The following SH3PXD2A variants were observed in gnomAD, a reference collection of about 807,000 sequenced individuals.
SH3PXD2A encodes the protein SH3 and PX domains 2A.
In SH3PXD2A, 32 loss-of-function variants were observed where a neutral mutation model predicts 115.2. The observed-to-expected ratio is 0.28, with a 90% CI of 0.21 to 0.37. The LOEUF is 0.37. Among genes scored for constraint, SH3PXD2A ranks in the 10% least tolerant of loss-of-function variants. The pLI, the probability that SH3PXD2A is intolerant of heterozygous loss-of-function variation, is 1.00. For missense variants in SH3PXD2A, 1,328 were observed against 1,498.7 expected, an observed-to-expected ratio of 0.89 and a Z score of 1.88; for synonymous variants, 610 against 629.1, an observed-to-expected ratio of 0.97 and a Z score of 0.45.
At chr10:103,811,171 G>A (rs1284309795) in intron 1 of SH3PXD2A, among the ~76,000 whole-genome samples, 1 of 152,160 alleles carries the variant, frequency 6.6e-6, no homozygotes, top group East Asian at 1.9e-4. Context: ...TCCTGGAGGG[G>A]AAATGAGTGT....
intron 6 of SH3PXD2A, among the ~76,000 whole-genome samples, chr10:103,672,076 G>C (rs2037468365): frequency 6.6e-6 from 1 of 152,180 alleles, no homozygotes; most frequent in Non-Finnish European, 1.5e-5. Flanking sequence ...CTGGAGGTTA[G>C]GAGTTCGAGA....
intron 8 of SH3PXD2A, among the ~76,000 whole-genome samples, chr10:103,635,163 A>G (rs1212064975): frequency 6.6e-6 from 1 of 152,162 alleles, no homozygotes; most frequent in African/African-American, 2.4e-5. Context: ...TTTCAGAAGG[A>G]TGGAAGGAAG....
intron 5 of SH3PXD2A, among the ~76,000 whole-genome samples, chr10:103,718,922 T>G (rs1413232510): frequency 2.6e-5 from 4 of 152,188 alleles, no homozygotes; most frequent in African/African-American, 9.7e-5. Flanking sequence ...AGGAGCTGAT[T>G]AGGCTATGGT....
intron 8 of SH3PXD2A, among the ~76,000 whole-genome samples, chr10:103,634,382 G>A (rs929944296): frequency 5.9e-5 from 9 of 152,230 alleles, no homozygotes; most frequent in African/African-American, 2.2e-4. Flanking sequence ...GAGCAGGGCG[G>A]TCTGTGTTAG....
intron 3 of SH3PXD2A, among the ~76,000 whole-genome samples, chr10:103,753,209 G>C (rs1021899257): frequency 6.7e-5 from 10 of 150,356 alleles, no homozygotes; most frequent in African/African-American, 1.5e-4. Flanking sequence ...GCTGGGTGCA[G>C]TGACTCACGC....
intron 8 of SH3PXD2A, among the ~76,000 whole-genome samples, chr10:103,656,218 C>A (rs761882024): frequency 3.3e-5 from 5 of 152,210 alleles, no homozygotes; most frequent in Admixed American, 6.5e-5. Flanking sequence ...CCACCAACAG[C>A]CTCTGCTGAA....
chr10:103,729,000 TCTC>T lies in SH3PXD2A; in HGVS notation c.307-4642_307-4640del, dbSNP rs541631623. Among the ~76,000 whole-genome samples the T allele has an allele frequency of 5.4e-4, 82 of 152,000 alleles. No homozygotes were observed. The Middle Eastern group carries it at 0.017, about 32-fold the overall frequency. ...CTCCCCCTCGCCGGGTTCAAGCGAT[TCTC>T]CTGTCTCAGCCTCCTGAGTAGGTGG... On this transcript the variant is annotated intron_variant, in intron 4 of 14. Transcript: ENST00000369774.
intron 3 of SH3PXD2A, among the ~76,000 whole-genome samples, chr10:103,741,799 G>A (rs1246532982): frequency 1.3e-5 from 2 of 152,234 alleles, no homozygotes; most frequent in Non-Finnish European, 2.9e-5. Context: ...GTGGGAGGCA[G>A]TTGTCACCTA....
At chr10:103,821,158 T>C (rs1326252969) in intron 1 of SH3PXD2A, among the ~76,000 whole-genome samples, 1 of 151,088 alleles carries the variant, frequency 6.6e-6, no homozygotes, top group Non-Finnish European at 1.5e-5. Context: ...TTTTTTTTTT[T>C]TTTTGAGACA....
chr10:103,706,144 T>C (rs1049828801), intron 5 of SH3PXD2A, among the ~76,000 whole-genome samples: 2 of 152,066 alleles, frequency 1.3e-5, no homozygotes, highest in African/African-American at 4.8e-5. Flanking sequence ...GCACAGTGGG[T>C]CACAGTGTCA....
chr10:103,670,226 A>G (rs1359620265), intron 6 of SH3PXD2A, among the ~76,000 whole-genome samples: 1 of 152,174 alleles, frequency 6.6e-6, no homozygotes, highest in Non-Finnish European at 1.5e-5. Context: ...GGAGCGGTCT[A>G]GCAAGGCCTT....
At chr10:103,772,874 G>A (rs2134232166) in intron 2 of SH3PXD2A, among the ~76,000 whole-genome samples, 1 of 152,314 alleles carries the variant, frequency 6.6e-6, no homozygotes, top group Middle Eastern at 3.4e-3. Flanking sequence ...CAAGAAAAAA[G>A]GGTGCATTAC....
chr10:103,636,521 G>T (rs2036868380), intron 8 of SH3PXD2A, among the ~76,000 whole-genome samples: 2 of 152,060 alleles, frequency 1.3e-5, no homozygotes, highest in Non-Finnish European at 2.9e-5. Context: ...GCCAGGAGAG[G>T]GACCAGGGCC....
chr10:103,691,502 G>A (rs931361335), intron 6 of SH3PXD2A, among the ~76,000 whole-genome samples: 5 of 151,984 alleles, frequency 3.3e-5, no homozygotes, highest in Non-Finnish European at 7.4e-5. Flanking sequence ...ATTTTGCTGC[G>A]CCTTCCATTC....
At chr10:103,820,799 A>G (rs10883917) in intron 1 of SH3PXD2A, among the ~76,000 whole-genome samples, 90,148 of 152,140 alleles carry the variant, frequency 0.59, 27,536 homozygotes, top group South Asian at 0.7. Flanking sequence ...GAGGGTGGCT[A>G]GGGGCTGGCG....
intron 2 of SH3PXD2A, among the ~76,000 whole-genome samples, chr10:103,793,491 A>G (rs566146606): frequency 5.1e-4 from 78 of 152,326 alleles, no homozygotes; most frequent in Non-Finnish European, 9.4e-4. Flanking sequence ...GCAACTCTGT[A>G]TGGATGGTCT....
intron 5 of SH3PXD2A, chr10:103,693,670 T>C (rs1184068356): frequency 6.6e-6 from 1 of 152,300 alleles, no homozygotes. Flanking sequence ...CGAGACTCGC[T>C]GGGGGCCACT....
chr10:103,834,642 G>A (rs1283829297), intron 1 of SH3PXD2A, among the ~76,000 whole-genome samples: 2 of 152,250 alleles, frequency 1.3e-5, no homozygotes, highest in Non-Finnish European at 2.9e-5. Context: ...CACCACTCAG[G>A]GAGCACAGTG....
intron 5 of SH3PXD2A, among the ~76,000 whole-genome samples, chr10:103,717,605 C>T (rs1209704995): frequency 6.6e-6 from 1 of 152,166 alleles, no homozygotes; most frequent in East Asian, 1.9e-4. Flanking sequence ...AGATCTTTCT[C>T]CCACCAGAAC....
Sources: allele counts gnomAD v4.1 joint callset (sites outside exome capture counted in the v4.1 genomes callset), GRCh38; gene constraint gnomAD v4.1.1; transcripts MANE v1.5; gene names NCBI Gene and HGNC (gene_info 2026-07-23, HGNC 2026-07-21).